The following ZNF670 variants were observed in gnomAD, a reference collection of about 807,000 sequenced individuals.
ZNF670 encodes the protein zinc finger protein 670.
ZNF670 carries 7 observed loss-of-function variants against 10.9 expected under a neutral mutation model. That is an observed-to-expected ratio of 0.64 (90% CI 0.36 to 1.20). ZNF670 has a LOEUF of 1.20. Ranked by LOEUF, ZNF670 falls within the 50% of genes most tolerant of loss-of-function variation. The pLI is 0.02. For missense variants in ZNF670, 446 were observed against 458.6 expected (o/e 0.97, Z 0.25); for synonymous variants, 136 against 152.7 (o/e 0.89, Z 0.81).
chr1:247,077,699 G>T (rs942314090), intron 1 of ZNF670, among the ~76,000 whole-genome samples: 1 of 152,214 alleles, frequency 6.6e-6, no homozygotes, highest in Non-Finnish European at 1.5e-5. Flanking sequence ...TATAGGAAAA[G>T]AATTGGAAAT....
At chr1:247,067,840 T>C (rs1165286390) in intron 1 of ZNF670, among the ~76,000 whole-genome samples, 1 of 3,848 alleles carries the variant, frequency 2.6e-4, no homozygotes, top group Non-Finnish European at 5.3e-4. Flanking sequence ...AGACTCCGTC[T>C]CAAAAAAAAA....
chr1:247,058,250 T>C lies in ZNF670; in HGVS notation c.4-18713A>G, dbSNP rs138584790. ...ATATACTTGAAAAACATCCAAATAA[T>C]TGAAGATTAAACTGCAAAGTTCTAA... On this transcript the variant is annotated intron_variant, in intron 1 of 3. Transcript: ENST00000366503. Among the ~76,000 whole-genome samples, 435 of 152,222 alleles carry C rather than the reference T, an allele frequency of 2.9e-3. 3 individuals carry two copies. The highest frequency in any genetic ancestry group is 3.6e-3 in the Non-Finnish European group (243 of 68,004).
At chr1:247,046,144 AGTTT>A (rs1270132479) in intron 1 of ZNF670, among the ~76,000 whole-genome samples, 7 of 152,212 alleles carry the variant, frequency 4.6e-5, no homozygotes, top group African/African-American at 1.7e-4. Context: ...AGAGCATAAA[AGTTT>A]GGAAAATGTG....
intron 1 of ZNF670, among the ~76,000 whole-genome samples, chr1:247,069,181 G>A (rs902208503): frequency 6.6e-6 from 1 of 151,116 alleles, no homozygotes; most frequent in Non-Finnish European, 1.5e-5. Context: ...GTAACTTAAA[G>A]AGTGTAATTT....
chr1:247,072,802 G>A (rs369470596), intron 1 of ZNF670, among the ~76,000 whole-genome samples: 6,836 of 19,120 alleles, frequency 0.36, 475 homozygotes, highest in South Asian at 0.42. Context: ...AAAAAAGTGT[G>A]TGTATATATA....
At chr1:247,073,614 A>G (rs1045158081) in intron 1 of ZNF670, among the ~76,000 whole-genome samples, 1 of 152,202 alleles carries the variant, frequency 6.6e-6, no homozygotes, top group African/African-American at 2.4e-5. Flanking sequence ...GAAGGCTCTG[A>G]TCTGTGAGTC....
At chr1:247,042,821 G>A (rs1227367340) in intron 1 of ZNF670, 1 of 536,058 alleles carries the variant, frequency 1.9e-6, no homozygotes, top group Non-Finnish European at 3.4e-6. Context: ...CACGCTGTCT[G>A]AGCTACTGAA....
intron 1 of ZNF670, among the ~76,000 whole-genome samples, chr1:247,070,156 T>G (rs992440362): frequency 1.3e-5 from 2 of 151,302 alleles, no homozygotes; most frequent in South Asian, 4.2e-4. Flanking sequence ...ATAAAAAAAT[T>G]AAGAAAAAAA....
intron 1 of ZNF670, among the ~76,000 whole-genome samples, chr1:247,068,473 C>T (rs1671043982): frequency 6.6e-6 from 1 of 150,606 alleles, no homozygotes; most frequent in African/African-American, 2.5e-5. Context: ...CATCTCACCC[C>T]AGTTAAAATG....
chr1:247,036,774 T>C lies in ZNF670; in HGVS notation c.*675A>G, dbSNP rs980867031. 6.6e-6 allele frequency: 1 copy of C among 151,734 alleles called. No individual in the cohort carries two copies. 9.4% of individuals were successfully genotyped at this position (151,734 alleles called of 1,614,324 possible). ...ACAATGTACATGAGACTATATAAAC[T>C]TCACATACATGCAAATTAATAACAA... On this transcript the variant is annotated 3_prime_UTR_variant, in exon 4 of 4. Coordinates refer to ENST00000366503, the MANE Select transcript of ZNF670 (RefSeq NM_033213.5).
At position 247,037,561 on chromosome 1, in the gene ZNF670, C is replaced by T. The variant is rs780011896; in HGVS notation, c.1058G>A (p.Arg353Gln). The stretch of plus-strand genomic sequence containing the variant: ...TCCAGTATGAGTCCTTTCATGGCTT[C>T]GAAGGGCACTGGAAGAAGTAAACGA... The part of the protein sequence containing the change: ...GKSFTSSSAL[R>Q]SHERTHTGEK... The change falls in exon 4 of 4, where the codon CGA (arginine) becomes CAA (glutamine). Residue 353 changes from arginine (R) to glutamine (Q), a missense_variant. By Grantham distance (43) the Arg-to-Gln change is conservative. Transcript: ENST00000366503. 3.3e-5 allele frequency: 53 copies of T among 1,613,928 alleles called. No individual in the cohort carries two copies. The highest frequency in any genetic ancestry group is 1.1e-4 in the South Asian group (10 of 91,074).
chr1:247,037,595 A>G lies in ZNF670; in HGVS notation c.1024T>C (p.Cys342Arg). 1 of 1,614,146 alleles carries G rather than the reference A, an allele frequency of 6.2e-7. No individual in the cohort carries two copies. Reference protein sequence around the residue: ...TGVKPYGCKECGKSFTSSSAL... With the variant: ...TGVKPYGCKERGKSFTSSSAL... ...CTGGAAGAAGTAAACGACTTACCAC[A>G]TTCCTTACATCCATAAGGTTTCACT... The change falls in exon 4 of 4, where the codon TGT (cysteine) becomes CGT (arginine). Residue 342 changes from cysteine (C) to arginine (R), a missense_variant. Cys to Arg is a radical substitution (Grantham distance 180). Transcript: ENST00000366503.
intron 1 of ZNF670, among the ~76,000 whole-genome samples, chr1:247,044,220 G>A (rs1169320863): frequency 2.6e-5 from 4 of 151,870 alleles, no homozygotes; most frequent in African/African-American, 4.8e-5. Context: ...CAAGGTTCAC[G>A]GAAGGAGCAA....
Position 247,068,865 on chromosome 1 carries a change from G to A in ZNF670, c.3+9729C>T, listed in dbSNP as rs565060306. On this transcript the variant is annotated intron_variant, in intron 1 of 3. Coordinates refer to ENST00000366503, the MANE Select transcript of ZNF670 (RefSeq NM_033213.5). ...AAAAAAAAAAGAATGAGATCCAGTC[G>A]TTTGCAGCAACAACACGGATGGAAC... Among the ~76,000 whole-genome samples, 8 of 145,964 alleles carry A rather than the reference G, an allele frequency of 5.5e-5. No homozygotes were observed. In the East Asian group the frequency reaches 5.9e-4, roughly 11 times the overall value.
At chr1:247,038,942 T>C in intron 2 of ZNF670, 72 bp from the exon 3 acceptor site, 1 of 1,224,252 alleles carries the variant, frequency 8.2e-7, no homozygotes, top group South Asian at 1.4e-5. Flanking sequence ...AGGTTCACTA[T>C]ACACTGTGAC....
intron 1 of ZNF670, among the ~76,000 whole-genome samples, chr1:247,059,909 T>C (rs1008290963): frequency 1.2e-4 from 19 of 152,262 alleles, no homozygotes; most frequent in African/African-American, 4.1e-4. Flanking sequence ...AGCACTTATA[T>C]AGCACCCAGT....
At chr1:247,062,274 G>A (rs987171126) in intron 1 of ZNF670, among the ~76,000 whole-genome samples, 35 of 151,938 alleles carry the variant, frequency 2.3e-4, no homozygotes, top group African/African-American at 8.4e-4. Flanking sequence ...TTCCCTGGTA[G>A]GACTGAGTAA....
intron 1 of ZNF670, among the ~76,000 whole-genome samples, chr1:247,050,098 T>G (rs1186592931): frequency 6.6e-6 from 1 of 152,214 alleles, no homozygotes. Context: ...TGTCTTGACC[T>G]GTCTAGTGCT....
intron 1 of ZNF670, among the ~76,000 whole-genome samples, chr1:247,072,576 G>A (rs1671143733): frequency 6.6e-6 from 1 of 151,440 alleles, no homozygotes; most frequent in Non-Finnish European, 1.5e-5. Context: ...CCTGAGGTCA[G>A]GAATTCGAGA....
Sources: gnomAD v4.1 joint callset for allele counts (sites outside exome capture counted in the v4.1 genomes callset) on GRCh38, gnomAD v4.1.1 for gene constraint, MANE v1.5 for transcripts, NCBI Gene and HGNC (gene_info 2026-07-23, HGNC 2026-07-21) for gene names.